CACNA2D3: variants seen among roughly 807,000 people sequenced by gnomAD.
The protein encoded by CACNA2D3 is calcium voltage-gated channel auxiliary subunit alpha2delta 3, also known as voltage-dependent calcium channel subunit alpha-2/delta-3.
In CACNA2D3, 60 loss-of-function variants were observed where a neutral mutation model predicts 160.6. The ratio of observed to expected loss-of-function variants is 0.37; its 90% CI spans 0.30 to 0.46. The LOEUF is 0.46. Ranked by LOEUF, CACNA2D3 falls within the 20% of genes least tolerant of loss-of-function variation. The pLI is 1.00. For synonymous variants in CACNA2D3, 558 were observed against 492.9 expected, an observed-to-expected ratio of 1.13 and a Z score of -1.75; for missense variants, 1,205 against 1,365.0, an observed-to-expected ratio of 0.88 and a Z score of 1.85.
chr3:54,310,539 G>T (rs1254604927), intron 2 of CACNA2D3, among the ~76,000 whole-genome samples: 2 of 152,070 alleles, frequency 1.3e-5, no homozygotes, highest in African/African-American at 4.8e-5. Context: ...ACCAATTTCT[G>T]CCAGAACAGA....
intron 2 of CACNA2D3, among the ~76,000 whole-genome samples, chr3:54,284,231 A>G (rs971236717): frequency 7.2e-5 from 11 of 152,156 alleles, no homozygotes; most frequent in Admixed American, 7.2e-4. Context: ...ACAAACCTGC[A>G]AATTGTGCAC....
Position 54,990,236 on chromosome 3 carries a change from G to C in CACNA2D3, c.2690+2483G>C, listed in dbSNP as rs557741025. On this transcript the variant is annotated intron_variant, in intron 31 of 37. Coordinates refer to ENST00000474759, the MANE Select transcript of CACNA2D3 (RefSeq NM_018398.3). ...TGATAGTCTTATACCCAGTCCTAAA[G>C]AAACAAATTTCAGACCGGGTGCAGT... Among the ~76,000 whole-genome samples the C allele has an allele frequency of 3.3e-5, 5 of 152,216 alleles. 1 individual carries two copies. The South Asian group carries it at 1.0e-3, about 32-fold the overall frequency.
intron 2 of CACNA2D3, among the ~76,000 whole-genome samples, chr3:54,130,684 C>G (rs931872443): frequency 9.2e-5 from 14 of 152,208 alleles, no homozygotes; most frequent in Non-Finnish European, 1.6e-4. Context: ...ACACATCTGG[C>G]CACAGTGCTA....
chr3:54,455,213 A>G (rs992474249), intron 4 of CACNA2D3, among the ~76,000 whole-genome samples: 4 of 152,006 alleles, frequency 2.6e-5, no homozygotes, highest in African/African-American at 9.7e-5. Context: ...ATTCCCACCA[A>G]CACTGTATAA....
At chr3:54,852,606 T>C (rs1347208305) in intron 17 of CACNA2D3, among the ~76,000 whole-genome samples, 1 of 152,170 alleles carries the variant, frequency 6.6e-6, no homozygotes, top group Non-Finnish European at 1.5e-5. Flanking sequence ...ATTCCAAACA[T>C]GGATTCTGCT....
At chr3:54,648,521 C>T (rs1486852618) in intron 11 of CACNA2D3, among the ~76,000 whole-genome samples, 1 of 152,172 alleles carries the variant, frequency 6.6e-6, no homozygotes, top group Non-Finnish European at 1.5e-5. Flanking sequence ...ATTGAGATAC[C>T]CTCAGAATTT....
intron 4 of CACNA2D3, among the ~76,000 whole-genome samples, chr3:54,462,383 T>C (rs191709036): frequency 2.0e-5 from 3 of 152,304 alleles, no homozygotes; most frequent in Admixed American, 6.5e-5. Flanking sequence ...GGTGTTAACA[T>C]CTCCCATTAC....
At chr3:54,779,556 T>A (rs534527287) in intron 13 of CACNA2D3, among the ~76,000 whole-genome samples, 1 of 152,332 alleles carries the variant, frequency 6.6e-6, no homozygotes, top group South Asian at 2.1e-4. Context: ...TGGTCAATAG[T>A]GCCTCACCAT....
intron 11 of CACNA2D3, among the ~76,000 whole-genome samples, chr3:54,730,564 G>A (rs572873051): frequency 1.2e-4 from 19 of 152,106 alleles, no homozygotes; most frequent in South Asian, 2.1e-4. Flanking sequence ...GTGCAGTGGC[G>A]TGATCTTGGC....
At chr3:54,656,564 G>C (rs1042212952) in intron 11 of CACNA2D3, among the ~76,000 whole-genome samples, 6 of 152,222 alleles carry the variant, frequency 3.9e-5, no homozygotes, top group African/African-American at 1.4e-4. Flanking sequence ...AAGGGGAGCT[G>C]AGCAGCACTG....
chr3:54,475,562 T>C (rs1445470596), intron 4 of CACNA2D3, among the ~76,000 whole-genome samples: 1 of 152,158 alleles, frequency 6.6e-6, no homozygotes, highest in Non-Finnish European at 1.5e-5. Context: ...CTTGGGATGA[T>C]GGGAGAGCTG....
intron 17 of CACNA2D3, among the ~76,000 whole-genome samples, chr3:54,858,640 C>T (rs893611654): frequency 1.2e-4 from 19 of 152,194 alleles, no homozygotes; most frequent in African/African-American, 4.1e-4. Flanking sequence ...AGAGGAGACT[C>T]GACTGGGCTG....
intron 11 of CACNA2D3, among the ~76,000 whole-genome samples, chr3:54,662,669 AT>A (rs1699993638): frequency 6.6e-6 from 1 of 152,082 alleles, no homozygotes; most frequent in African/African-American, 2.4e-5. Flanking sequence ...CAAGGCAAGG[AT>A]TTTGCTGCGC....
chr3:54,146,222 C>T (rs1232110109), intron 2 of CACNA2D3, among the ~76,000 whole-genome samples: 1 of 152,154 alleles, frequency 6.6e-6, no homozygotes, highest in Non-Finnish European at 1.5e-5. Flanking sequence ...ACTCCTGGGA[C>T]TTTCTTGAAG....
chr3:54,322,070 G>A (rs140917210), intron 3 of CACNA2D3, among the ~76,000 whole-genome samples: 8 of 152,314 alleles, frequency 5.3e-5, no homozygotes, highest in African/African-American at 9.6e-5. Flanking sequence ...AATTGACAAA[G>A]TAGCCCTGGT....
chr3:55,024,406 T>C (rs954072319), intron 35 of CACNA2D3, among the ~76,000 whole-genome samples: 3 of 152,078 alleles, frequency 2.0e-5, no homozygotes, highest in Non-Finnish European at 2.9e-5. Flanking sequence ...CCCCAAAATC[T>C]ACTTGTTGGA....
intron 6 of CACNA2D3, among the ~76,000 whole-genome samples, chr3:54,564,279 G>C (rs1196380675): frequency 6.6e-6 from 1 of 152,152 alleles, no homozygotes; most frequent in Non-Finnish European, 1.5e-5. Context: ...AAAATAAAGG[G>C]AATCCTCATA....
chr3:55,069,119 A>G (rs2107231046), intron 35 of CACNA2D3, among the ~76,000 whole-genome samples: 1 of 152,222 alleles, frequency 6.6e-6, no homozygotes, highest in South Asian at 2.1e-4. Context: ...TTTGTTACTC[A>G]TCTGTGTTTC....
rs1428904824 is a variant in CACNA2D3, at chr3:54,350,968, GTTTTTTTTTTTTTGTTTGTTTTT to G, written c.321+30424_321+30446del. Among the ~76,000 whole-genome samples the G allele has an allele frequency of 2.9e-4, 16 of 56,134 alleles. 1 individual carries two copies. The highest frequency in any genetic ancestry group is 6.9e-4 in the South Asian group (1 of 1,456). The allele number at this position is 56,134 out of a possible 152,430, so 36.8% of individuals were successfully genotyped here. On this transcript the variant is annotated intron_variant, in intron 3 of 37. Coordinates refer to ENST00000474759, the MANE Select transcript of CACNA2D3 (RefSeq NM_018398.3). ...GCTTGGATTTTGAGATCTTGAGTCT[GTTTTTTTTTTTTTGTTTGTTTTT>G]TTTTTTTTTTTTTTTGAGACAGAGT...
Sources: gnomAD v4.1 joint callset for allele counts (sites outside exome capture counted in the v4.1 genomes callset) on GRCh38, gnomAD v4.1.1 for gene constraint, MANE v1.5 for transcripts, NCBI Gene and HGNC (gene_info 2026-07-23, HGNC 2026-07-21) for gene names.